The following NFATC1 variants were observed in gnomAD, a reference collection of about 807,000 sequenced individuals.
NFATC1 encodes the protein nuclear factor of activated T cells 1.
A neutral mutation model predicts 76.0 loss-of-function variants in NFATC1; 22 were observed. The ratio of observed to expected loss-of-function variants is 0.29; its 90% CI spans 0.21 to 0.41. The LOEUF is 0.41. Among genes scored for constraint, NFATC1 ranks in the 10% least tolerant of loss-of-function variants. NFATC1 has a pLI of 1.00. For missense variants in NFATC1, 1,357 were observed against 1,337.7 expected, an observed-to-expected ratio of 1.01 and a Z score of -0.23; for synonymous variants, 704 against 613.1, an observed-to-expected ratio of 1.15 and a Z score of -2.19.
chr18:79,419,273 C>T (rs908764452), intron 2 of NFATC1, among the ~76,000 whole-genome samples: 1 of 152,218 alleles, frequency 6.6e-6, no homozygotes, highest in Non-Finnish European at 1.5e-5. Flanking sequence ...GTCCTCCCGA[C>T]CTGTCCTCTC....
chr18:79,453,160 G>A (rs1201458400), intron 6 of NFATC1, among the ~76,000 whole-genome samples: 2 of 152,252 alleles, frequency 1.3e-5, no homozygotes, highest in East Asian at 3.8e-4. Flanking sequence ...CTTTCGGTGT[G>A]TGTCCACGCG....
rs150759858 is a variant in NFATC1, at chr18:79,455,556, G to A, written c.1903+3740G>A. Among the ~76,000 whole-genome samples, 625 of 152,328 alleles carry A rather than the reference G, an allele frequency of 4.1e-3. 8 individuals carry two copies. Among genetic ancestry groups the A allele is most frequent in the African/African-American group, 0.01 (428 of 41,584 alleles). ...TGCCGTGCCAGCCACCACCCCAGGG[G>A]CCCTGCCCTGGTTCGCAGGGAGACA... is the stretch of plus-strand genomic sequence containing the variant. On this transcript the variant is annotated intron_variant, in intron 6 of 9. Coordinates refer to ENST00000427363, the MANE Select transcript of NFATC1 (RefSeq NM_001278669.2).
At chr18:79,449,372 C>T (rs1395971025) in intron 4 of NFATC1, among the ~76,000 whole-genome samples, 4 of 152,226 alleles carry the variant, frequency 2.6e-5, no homozygotes, top group Admixed American at 1.3e-4. Flanking sequence ...TCCGACAACA[C>T]GGATAGGCCT....
intron 9 of NFATC1, among the ~76,000 whole-genome samples, chr18:79,501,125 C>T (rs1046280406): frequency 6.6e-6 from 1 of 152,136 alleles, no homozygotes; most frequent in Non-Finnish European, 1.5e-5. Context: ...AAAGATTTTA[C>T]ACCATGACCA....
intron 7 of NFATC1, among the ~76,000 whole-genome samples, chr18:79,466,811 C>G (rs1012010211): frequency 6.6e-6 from 1 of 152,218 alleles, no homozygotes; most frequent in African/African-American, 2.4e-5. Flanking sequence ...GAGACCGCGT[C>G]TCCAGGAAGC....
intron 3 of NFATC1, among the ~76,000 whole-genome samples, chr18:79,434,553 G>T (rs2086705870): frequency 6.6e-6 from 1 of 152,234 alleles, no homozygotes; most frequent in Non-Finnish European, 1.5e-5. Flanking sequence ...TGCTGCTTTG[G>T]CAGCCACAGA....
At chr18:79,428,470 G>C (rs1015321679) in intron 2 of NFATC1, among the ~76,000 whole-genome samples, 9 of 152,194 alleles carry the variant, frequency 5.9e-5, no homozygotes, top group Non-Finnish European at 1.3e-4. Context: ...GCCTCACGAT[G>C]CTCACGCCTC....
At chr18:79,456,858 G>A (rs2087758207) in intron 6 of NFATC1, among the ~76,000 whole-genome samples, 1 of 152,240 alleles carries the variant, frequency 6.6e-6, no homozygotes. Flanking sequence ...GGAGGACACA[G>A]CTGGGAATTC....
chr18:79,423,396 G>T (rs574912436), intron 2 of NFATC1, among the ~76,000 whole-genome samples: 16 of 152,302 alleles, frequency 1.1e-4, no homozygotes, highest in African/African-American at 3.8e-4. Flanking sequence ...CCATGCACCC[G>T]GCTGTCCACC....
intron 6 of NFATC1, among the ~76,000 whole-genome samples, chr18:79,459,869 G>A (rs1411159074): frequency 2.0e-5 from 3 of 152,132 alleles, no homozygotes; most frequent in Admixed American, 6.5e-5. Context: ...CTGGGCTGGG[G>A]GCTTCTGGGA....
intron 9 of NFATC1, among the ~76,000 whole-genome samples, chr18:79,514,461 G>A (rs768328982): frequency 2.7e-5 from 4 of 149,946 alleles, no homozygotes; most frequent in Non-Finnish European, 4.4e-5. Context: ...AGCTGCTCAG[G>A]AGGCAGAGGA....
intron 1 of NFATC1, among the ~76,000 whole-genome samples, chr18:79,404,199 T>G (rs943749316): frequency 1.8e-4 from 28 of 152,202 alleles, no homozygotes; most frequent in Non-Finnish European, 3.2e-4. Context: ...AGGAACGATG[T>G]CCCAGGTTGG....
chr18:79,465,361 C>T lies in NFATC1; in HGVS notation c.1960-2089C>T, dbSNP rs1454298317. Among the ~76,000 whole-genome samples, 3 of 152,374 alleles carry T rather than the reference C, an allele frequency of 2.0e-5. No homozygotes were observed. Among genetic ancestry groups the T allele is most frequent in the Non-Finnish European group, 2.9e-5 (2 of 68,036 alleles). ...CTTAGGAAAACTGGCATGCACCGTC[C>T]AGCATGCCCCACAGGGTCCCACCTC... On this transcript the variant is annotated intron_variant, in intron 7 of 9. Transcript: ENST00000427363. This position sits in a 1 kb window ranked among gnomAD's most constrained non-coding sequence, Gnocchi z 4.2.
intron 2 of NFATC1, among the ~76,000 whole-genome samples, chr18:79,419,172 C>T (rs1344879292): frequency 6.6e-6 from 1 of 152,108 alleles, no homozygotes; most frequent in Admixed American, 6.5e-5. Context: ...CACAGACGTG[C>T]GGCACCACAC....
chr18:79,454,875 C>T (rs1029142926), intron 6 of NFATC1, among the ~76,000 whole-genome samples: 13 of 151,930 alleles, frequency 8.6e-5, no homozygotes, highest in African/African-American at 2.9e-4. Context: ...CCCACCCACA[C>T]CCCTCCCCAC....
intron 1 of NFATC1, among the ~76,000 whole-genome samples, chr18:79,403,284 A>C (rs2085328086): frequency 6.6e-6 from 1 of 152,266 alleles, no homozygotes; most frequent in Non-Finnish European, 1.5e-5. Context: ...GAAAGTGCTC[A>C]GCAGGTGCAA....
chr18:79,495,967 G>A (rs1238008872), intron 9 of NFATC1: 3 of 152,318 alleles, frequency 2.0e-5, no homozygotes, highest in East Asian at 1.9e-4. Flanking sequence ...TAAGGCGTCC[G>A]CAAGTGTCAC....
In NFATC1 at chr18:79,475,268, A is replaced by G. The variant is rs2089013924; in HGVS notation, c.2092+7686A>G. 2.0e-5 allele frequency among the ~76,000 whole-genome samples: 3 copies of G among 146,396 alleles called. No individual in the cohort carries two copies. The South Asian group carries it at 6.6e-4, about 32-fold the overall frequency. Reference sequence around the variant, plus strand: ...GCTCACCGTCGACGTTGTAAACCTGAGGGAAGCGTGTTCTCACGCTCACTG... The same window carrying G: ...GCTCACCGTCGACGTTGTAAACCTGGGGGAAGCGTGTTCTCACGCTCACTG... On this transcript the variant is annotated intron_variant, in intron 8 of 9. Transcript: ENST00000427363.
At chr18:79,454,704 C>T (rs968472686) in intron 6 of NFATC1, among the ~76,000 whole-genome samples, 5 of 152,214 alleles carry the variant, frequency 3.3e-5, no homozygotes, top group East Asian at 1.9e-4. Flanking sequence ...CGACATTTTC[C>T]GATGATGAAA....
Sources: gnomAD v4.1 joint callset for allele counts (sites outside exome capture counted in the v4.1 genomes callset) on GRCh38, gnomAD v4.1.1 for gene constraint, Gnocchi (gnomAD v3.1) non-coding constraint, MANE v1.5 for transcripts, NCBI Gene and HGNC (gene_info 2026-07-23, HGNC 2026-07-21) for gene names.